ERBB4: variants seen among roughly 807,000 people sequenced by gnomAD.
ERBB4 encodes the protein erb-b2 receptor tyrosine kinase 4.
A neutral mutation model predicts 158.0 loss-of-function variants in ERBB4; 42 were observed. That is an observed-to-expected ratio of 0.27 (90% confidence interval 0.21 to 0.34). ERBB4 has a LOEUF of 0.34. Ranked by LOEUF, ERBB4 falls within the 10% of genes least tolerant of loss-of-function variation. The pLI is 1.00. For synonymous variants in ERBB4, 583 were observed against 558.7 expected (o/e 1.04, Z -0.61); for missense variants, 1,333 against 1,624.1 (o/e 0.82, Z 3.08).
chr2:211,583,127 T>C (rs940795070), intron 19 of ERBB4, among the ~76,000 whole-genome samples: 5 of 152,114 alleles, frequency 3.3e-5, no homozygotes, highest in African/African-American at 1.2e-4. Context: ...TAAAAGCTAG[T>C]GGTTTCTAGT....
At chr2:211,406,107 C>G (rs1038908783) in intron 25 of ERBB4, among the ~76,000 whole-genome samples, 1 of 152,190 alleles carries the variant, frequency 6.6e-6, no homozygotes, top group African/African-American at 2.4e-5. Flanking sequence ...GAAGCCAGGT[C>G]TGACTTTGCC....
rs569487880 is a variant in ERBB4, at chr2:212,165,023, T to TTTTTTTA, written c.83-40127_83-40121dup. Among the ~76,000 whole-genome samples, 16 of 151,754 alleles carry TTTTTTTA rather than the reference T, an allele frequency of 1.1e-4. No homozygotes were observed. In the South Asian group the frequency reaches 3.3e-3, roughly 31 times the overall value. On this transcript the variant is annotated intron_variant, in intron 1 of 27. Transcript: ENST00000342788. ...AAAACATGAAGAAAATAAAAGACCA[T>TTTTTTTA]TTTTTTAATTAACTGTGGTTAGTCA...
At chr2:212,355,005 C>T (rs185408950) in intron 1 of ERBB4, among the ~76,000 whole-genome samples, 1 of 151,778 alleles carries the variant, frequency 6.6e-6, no homozygotes, top group Non-Finnish European at 1.5e-5. Flanking sequence ...GCACATGTGA[C>T]CTTGATATTT....
intron 2 of ERBB4, among the ~76,000 whole-genome samples, chr2:212,049,271 T>C (rs1214766059): frequency 6.6e-6 from 1 of 152,170 alleles, no homozygotes; most frequent in Non-Finnish European, 1.5e-5. Context: ...ATAGGTAATA[T>C]CTTTAGGGGT....
At chr2:212,261,315 T>C (rs1335185243) in intron 1 of ERBB4, among the ~76,000 whole-genome samples, 1 of 152,104 alleles carries the variant, frequency 6.6e-6, no homozygotes, top group Non-Finnish European at 1.5e-5. Flanking sequence ...GAATGCTCAG[T>C]GGTTTAAAAT....
At chr2:212,125,393 T>C (rs2079892203) in intron 1 of ERBB4, among the ~76,000 whole-genome samples, 1 of 152,204 alleles carries the variant, frequency 6.6e-6, no homozygotes, top group Admixed American at 6.5e-5. Context: ...CTACAAGACC[T>C]CAAACATGCG....
intron 1 of ERBB4, among the ~76,000 whole-genome samples, chr2:212,248,117 G>A (rs2084380166): frequency 1.3e-5 from 2 of 151,836 alleles, no homozygotes; most frequent in Non-Finnish European, 2.9e-5. Context: ...TTTTACTTTT[G>A]TGATTAAAAA....
At chr2:212,145,729 A>T (rs1159476244) in intron 1 of ERBB4, among the ~76,000 whole-genome samples, 4 of 10,432 alleles carry the variant, frequency 3.8e-4, no homozygotes, top group Admixed American at 1.3e-3. Context: ...GCATGCAGTA[A>T]AAAAAAAAAA....
At chr2:212,274,036 T>C (rs542147392) in intron 1 of ERBB4, among the ~76,000 whole-genome samples, 190 of 151,920 alleles carry the variant, frequency 1.3e-3, no homozygotes, top group African/African-American at 4.5e-3. Context: ...ATATTTTGCA[T>C]GTTACATGTG....
At position 211,653,630 on chromosome 2, in the gene ERBB4, G is replaced by A. The variant is rs371841675; in HGVS notation, c.1946+4124C>T. On this transcript the variant is annotated intron_variant, in intron 16 of 27. Transcript: ENST00000342788. Reference sequence around the variant, plus strand: ...AATAAACTAGGCATTTGGATAATCCGCCAGTTAAAATATGGTTTAAGAAAC... The same window carrying A: ...AATAAACTAGGCATTTGGATAATCCACCAGTTAAAATATGGTTTAAGAAAC... Among the ~76,000 whole-genome samples the A allele has an allele frequency of 3.1e-4, 47 of 152,084 alleles. No individual in the cohort carries two copies. In the South Asian group the frequency reaches 9.1e-3, roughly 30 times the overall value.
At chr2:211,972,132 C>T (rs927166130) in intron 2 of ERBB4, among the ~76,000 whole-genome samples, 1 of 151,968 alleles carries the variant, frequency 6.6e-6, no homozygotes, top group Non-Finnish European at 1.5e-5. Context: ...AAGCTAAGAA[C>T]AAAATCAAGG....
chr2:212,009,030 ATGTTTTTCTAAACAGAAATTTTAGTTAT>A (rs1371450832), intron 2 of ERBB4, among the ~76,000 whole-genome samples: 6 of 784 alleles, frequency 7.7e-3, no homozygotes, highest in Non-Finnish European at 0.013. Flanking sequence ...ACAGCAAAAA[ATGTTTTTCTAAACAGAAATTTTAGTTAT>A]ATGTTTTTCT....
At chr2:212,439,833 A>G (rs2105971887) in intron 1 of ERBB4, among the ~76,000 whole-genome samples, 1 of 152,276 alleles carries the variant, frequency 6.6e-6, no homozygotes, top group African/African-American at 2.4e-5. Context: ...GAAGCCCTGT[A>G]TAAATGGCCC....
At chr2:212,449,239 C>T (rs2092410128) in intron 1 of ERBB4, among the ~76,000 whole-genome samples, 1 of 152,030 alleles carries the variant, frequency 6.6e-6, no homozygotes, top group Non-Finnish European at 1.5e-5. Context: ...AAATGTATTT[C>T]CAGTTTGTTA....
intron 1 of ERBB4, among the ~76,000 whole-genome samples, chr2:212,354,477 T>C (rs2089388120): frequency 6.6e-6 from 1 of 152,138 alleles, no homozygotes; most frequent in South Asian, 2.1e-4. Context: ...CTCAGCAATA[T>C]ATTTACATGC....
chr2:211,635,336 G>A (rs1034837523), intron 16 of ERBB4, among the ~76,000 whole-genome samples: 2 of 152,168 alleles, frequency 1.3e-5, no homozygotes, highest in Non-Finnish European at 2.9e-5. Context: ...AAAAGCAAAT[G>A]ATTTGGTTTT....
intron 1 of ERBB4, among the ~76,000 whole-genome samples, chr2:212,255,597 G>T (rs921484571): frequency 6.6e-6 from 1 of 152,076 alleles, no homozygotes; most frequent in East Asian, 1.9e-4. Context: ...TTAGGTTTTT[G>T]GTGTGTGTGT....
At chr2:212,521,318 G>A (rs2106315228) in intron 1 of ERBB4, among the ~76,000 whole-genome samples, 1 of 151,524 alleles carries the variant, frequency 6.6e-6, no homozygotes. Context: ...AGAATATGAA[G>A]AAAAAAAGGA....
At chr2:212,024,994 C>T (rs1316200205) in intron 2 of ERBB4, among the ~76,000 whole-genome samples, 1 of 151,790 alleles carries the variant, frequency 6.6e-6, no homozygotes, top group Non-Finnish European at 1.5e-5. Flanking sequence ...ACCAGTACCT[C>T]CTTTAAAAAG....
Sources: allele counts gnomAD v4.1 joint callset (sites outside exome capture counted in the v4.1 genomes callset), GRCh38; gene constraint gnomAD v4.1.1; transcripts MANE v1.5; gene names NCBI Gene and HGNC (gene_info 2026-07-23, HGNC 2026-07-21).